The following CCDC102B variants were observed in gnomAD, a reference collection of about 807,000 sequenced individuals.
The protein encoded by CCDC102B is coiled-coil domain containing 102B.
Under a neutral mutation model 57.4 loss-of-function variants are expected in CCDC102B, and 75 were observed. That is an observed-to-expected ratio of 1.31 (90% CI 1.08 to 1.58). The LOEUF (loss-of-function observed/expected upper bound fraction) is 1.58, where lower values mean the gene tolerates loss of function less well. CCDC102B is among the 40% of genes most tolerant of loss of function. The probability of loss-of-function intolerance (pLI) is 0.00; values close to 1 mark genes in which losing one functional copy is unlikely to be tolerated. For synonymous variants in CCDC102B, 206 were observed against 201.9 expected (o/e 1.02, Z -0.17); for missense variants, 636 against 582.6 (o/e 1.09, Z -0.94).
rs189463077 is a variant in CCDC102B at position 68,819,718 on chromosome 18, T to G, written c.-15-17031T>G. Among the ~76,000 whole-genome samples, 179 of 152,182 alleles carry G rather than the reference T, an allele frequency of 1.2e-3. 2 individuals are homozygous for G. The highest frequency in any genetic ancestry group is 8.9e-3 in the Admixed American group (136 of 15,282). On this transcript the variant is annotated intron_variant, in intron 1 of 7. Transcript: ENST00000360242. ...CTAGTCCACAAACAGACATAATATATTCCTTCACTTATTTAGATATTCTTT... is the reference window on the plus strand; with the variant it reads ...CTAGTCCACAAACAGACATAATATAGTCCTTCACTTATTTAGATATTCTTT...
intron 4 of CCDC102B, among the ~76,000 whole-genome samples, chr18:68,872,917 C>T (rs55771454): frequency 0.32 from 48,263 of 151,914 alleles, 9,030 homozygotes; most frequent in East Asian, 0.62. Flanking sequence ...TGCTTTCCTG[C>T]CTCCTCTCTC....
chr18:68,729,640 A>G (rs1453262837), intron 2 of CCDC102B, among the ~76,000 whole-genome samples: 1 of 152,226 alleles, frequency 6.6e-6, no homozygotes, highest in Non-Finnish European at 1.5e-5. Flanking sequence ...ACCCTACACA[A>G]TTGACAAAAA....
chr18:69,015,848 T>C (rs1232587406), intron 7 of CCDC102B, among the ~76,000 whole-genome samples: 2 of 151,992 alleles, frequency 1.3e-5, no homozygotes, highest in Admixed American at 6.6e-5. Context: ...TAATGGCACA[T>C]TTTTTTATTT....
chr18:68,918,436 C>G (rs186149682), intron 6 of CCDC102B, among the ~76,000 whole-genome samples: 69 of 152,274 alleles, frequency 4.5e-4, no homozygotes, highest in Admixed American at 9.8e-4. Context: ...GCATGTTTGA[C>G]TAATCCAAAC....
intron 4 of CCDC102B, among the ~76,000 whole-genome samples, chr18:68,872,673 T>G: frequency 6.6e-6 from 1 of 151,464 alleles, no homozygotes; most frequent in African/African-American, 2.4e-5. Flanking sequence ...CCTCTGTCCT[T>G]TCTCCTTCTC....
chr18:68,845,865 A>G (rs2037833247), intron 3 of CCDC102B, among the ~76,000 whole-genome samples: 1 of 151,790 alleles, frequency 6.6e-6, no homozygotes, highest in Non-Finnish European at 1.5e-5. Flanking sequence ...GTAAATGACT[A>G]TTTTTTAAGA....
At chr18:68,998,999 T>G (rs4324234) in intron 6 of CCDC102B, among the ~76,000 whole-genome samples, 3,742 of 43,092 alleles carry the variant, frequency 0.087, 178 homozygotes, top group African/African-American at 0.19. Context: ...TATATATATA[T>G]AGAGAGAGAG....
At chr18:68,857,352 A>AAT (rs1293234453) in intron 4 of CCDC102B, among the ~76,000 whole-genome samples, 3 of 100,368 alleles carry the variant, frequency 3.0e-5, no homozygotes, top group African/African-American at 1.1e-4. Flanking sequence ...ATATATTATA[A>AAT]ATATATATAT....
chr18:68,749,330 G>A (rs1396971919), intron 2 of CCDC102B, among the ~76,000 whole-genome samples: 3 of 151,910 alleles, frequency 2.0e-5, no homozygotes, highest in Admixed American at 2.0e-4. Context: ...TTGGTAGCTT[G>A]ATGGGGATGG....
intron 5 of CCDC102B, among the ~76,000 whole-genome samples, chr18:68,882,625 A>T (rs1163957473): frequency 6.6e-6 from 1 of 152,236 alleles, no homozygotes; most frequent in African/African-American, 2.4e-5. Context: ...CTCATATTTC[A>T]TTTAAACGTT....
At chr18:68,838,467 G>A (rs1267226429) in intron 2 of CCDC102B, 2 of 979,668 alleles carry the variant, frequency 2.0e-6, no homozygotes, top group Non-Finnish European at 1.2e-6. Flanking sequence ...GAACAAACAA[G>A]AGTTAAAGCA....
Position 68,846,294 on chromosome 18 carries a change from T to G in CCDC102B, c.828-19T>G, listed in dbSNP as rs752366694. On this transcript the variant is annotated intron_variant, in intron 3 of 7. Transcript: ENST00000360242. ...AAATTGAAGCCGACTTTTTTTCTTT[T>G]AATTCTTAAATTATTTAGAATGCGC... is the stretch of plus-strand genomic sequence containing the variant. The G allele has an allele frequency of 6.9e-7, 1 of 1,440,386 alleles. No homozygotes were observed. Among genetic ancestry groups the G allele is most frequent in the East Asian group, 2.6e-5 (1 of 38,050 alleles). The allele number at this position is 1,440,386 out of a possible 1,614,324, so 89.2% of individuals were successfully genotyped here. A position where few individuals can be genotyped will look rare whatever the true frequency, so the allele number is the denominator to read the frequency against.
intron 7 of CCDC102B, among the ~76,000 whole-genome samples, chr18:69,049,124 G>A (rs1385261508): frequency 4.0e-5 from 6 of 151,552 alleles, no homozygotes; most frequent in Non-Finnish European, 8.8e-5. Context: ...ACGTGCTATG[G>A]TGGTTTGCTG....
intron 6 of CCDC102B, among the ~76,000 whole-genome samples, chr18:68,933,621 T>C (rs1267089352): frequency 6.6e-6 from 1 of 151,964 alleles, no homozygotes. Flanking sequence ...TGCTCGATTA[T>C]ATTTTGTGAT....
At chr18:68,860,475 C>CAAAAAAAAAAAAAAAAAAAAAAAAAAAA (rs1169097862) in intron 4 of CCDC102B, among the ~76,000 whole-genome samples, 1 of 53,060 alleles carries the variant, frequency 1.9e-5, no homozygotes, top group Non-Finnish European at 4.9e-5. Context: ...AAAACAAAAA[C>CAAAAAAAAAAAAAAAAAAAAAAAAAAAA]AAAAAAAAAA....
chr18:68,808,838 G>C (rs1599492612), intron 1 of CCDC102B, among the ~76,000 whole-genome samples: 2 of 152,194 alleles, frequency 1.3e-5, no homozygotes, highest in Middle Eastern at 6.8e-3. Flanking sequence ...AATAGAAAAT[G>C]ATTGGTTTAA....
At chr18:68,827,743 G>C (rs922996896) in intron 1 of CCDC102B, among the ~76,000 whole-genome samples, 1 of 151,806 alleles carries the variant, frequency 6.6e-6, no homozygotes, top group Non-Finnish European at 1.5e-5. Flanking sequence ...CAAACAAAAA[G>C]CATGAGCAAG....
rs2035329976 is a variant in CCDC102B, at chr18:68,789,129, C to A, written c.-66-34237C>A. ...GATATGAAATTCTGGGTTGAAAATT[C>A]TTGTCTTTAAGAATGTTGAATATTG... On this transcript the variant is annotated intron_variant, in intron 2 of 3. Transcript: ENST00000578970. Among the ~76,000 whole-genome samples, 5 of 152,124 alleles carry A rather than the reference C, an allele frequency of 3.3e-5. No homozygotes were observed. The South Asian group carries it at 1.0e-3, about 32-fold the overall frequency.
intron 5 of CCDC102B, among the ~76,000 whole-genome samples, chr18:68,895,890 T>C (rs2040225242): frequency 6.6e-6 from 1 of 151,984 alleles, no homozygotes; most frequent in Admixed American, 6.6e-5. Flanking sequence ...TAAATTACAT[T>C]GATGTCTCGA....
Sources: gnomAD v4.1 joint callset for allele counts (sites outside exome capture counted in the v4.1 genomes callset) on GRCh38, gnomAD v4.1.1 for gene constraint, MANE v1.5 for transcripts, NCBI Gene and HGNC (gene_info 2026-07-23, HGNC 2026-07-21) for gene names.